PCDHGA6: variants seen among roughly 807,000 people sequenced by gnomAD.
PCDHGA6 encodes the protein protocadherin gamma-A6.
In PCDHGA6, 41 loss-of-function variants were observed where a neutral mutation model predicts 60.6. The ratio of observed to expected loss-of-function variants is 0.68; its 90% CI spans 0.53 to 0.88. The LOEUF (loss-of-function observed/expected upper bound fraction) is 0.88. Ranked by LOEUF, PCDHGA6 falls within the 40% of genes least tolerant of loss-of-function variation. The probability of loss-of-function intolerance (pLI) is 0.00; values close to 1 mark genes in which losing one functional copy is unlikely to be tolerated. For missense variants in PCDHGA6, 1,312 were observed against 1,203.0 expected (o/e 1.09, Z -1.34); for synonymous variants, 594 against 524.4 (o/e 1.13, Z -1.81).
At chr5:141,390,827 A>C (rs1026985432) in intron 1 of PCDHGA6, 1 of 164,666 alleles carries the variant, frequency 6.1e-6, no homozygotes, top group African/African-American at 2.4e-5. Flanking sequence ...TTTTATGTCC[A>C]TGGACCCCTT....
chr5:141,375,336 A>G lies in PCDHGA6; in HGVS notation c.1253A>G (p.Tyr418Cys). 6.2e-7 allele frequency: 1 copy of G among 1,613,828 alleles called. No homozygotes were observed. Among genetic ancestry groups the G allele is most frequent in the African/African-American group, 1.3e-5 (1 of 75,044 alleles). ...CTAGACCGGGAAGAGGTATTCTTGT[A>G]CAACATCACTGTGACAGCCACGGAC... is the stretch of plus-strand genomic sequence containing the variant. ...AALDREEVFL[Y>C]NITVTATDKG... The change falls in exon 1 of 4, where the codon TAC becomes TGC. Residue 418 changes from tyrosine (Y) to cysteine (C), a missense_variant. Tyr to Cys is a radical substitution (Grantham distance 194). Coordinates refer to ENST00000517434, the MANE Select transcript of PCDHGA6 (RefSeq NM_018919.3).
chr5:141,496,192 C>T (rs942276204), intron 2 of PCDHGA6, among the ~76,000 whole-genome samples: 1 of 152,098 alleles, frequency 6.6e-6, no homozygotes, highest in Non-Finnish European at 1.5e-5. Flanking sequence ...CCCAGCTGCT[C>T]ATTTCAATCT....
intron 1 of PCDHGA6, chr5:141,399,478 G>T (rs367753385): frequency 2.0e-5 from 32 of 1,613,894 alleles, no homozygotes; most frequent in Non-Finnish European, 2.6e-5. Context: ...TTTCCACCAG[G>T]CGTCCTACTT....
intron 1 of PCDHGA6, among the ~76,000 whole-genome samples, chr5:141,449,677 A>G (rs543079734): frequency 6.3e-4 from 96 of 151,362 alleles, no homozygotes; most frequent in Non-Finnish European, 1.1e-3. Flanking sequence ...GTGTATGTAT[A>G]TATGTTTGTG....
chr5:141,420,079 C>A, intron 1 of PCDHGA6: 1 of 1,613,998 alleles, frequency 6.2e-7, no homozygotes, highest in Non-Finnish European at 8.5e-7. Flanking sequence ...CTGTGGGTCC[C>A]CCCAACTACA....
chr5:141,441,835 G>A (rs1423189098), intron 1 of PCDHGA6: 9 of 353,636 alleles, frequency 2.5e-5, no homozygotes, highest in Admixed American at 2.1e-4. Flanking sequence ...CAATGGCTTC[G>A]CGCTCTTGGA....
chr5:141,414,986 A>G, intron 1 of PCDHGA6: 4 of 1,613,824 alleles, frequency 2.5e-6, no homozygotes, highest in Non-Finnish European at 3.4e-6. Context: ...GACTCCGGCC[A>G]GAACGCCTGG....
At chr5:141,428,100 G>C (rs1313410784) in intron 1 of PCDHGA6, 11 of 1,608,462 alleles carry the variant, frequency 6.8e-6, no homozygotes, top group Non-Finnish European at 9.3e-6. Context: ...GTCCTACCAC[G>C]TGCTGCAGGC....
intron 1 of PCDHGA6, chr5:141,392,800 G>T (rs1394780689): frequency 6.4e-7 from 1 of 1,570,722 alleles, no homozygotes; most frequent in African/African-American, 1.4e-5. Context: ...AGAGGATTCT[G>T]CAGCAAAACA....
intron 1 of PCDHGA6, among the ~76,000 whole-genome samples, chr5:141,461,536 T>C (rs1424913303): frequency 1.3e-5 from 2 of 152,240 alleles, no homozygotes; most frequent in Non-Finnish European, 2.9e-5. Context: ...TTCTGGATAC[T>C]AGTCCTTTGT....
In PCDHGA6 at chr5:141,419,962, GCT is replaced by G. The variant is rs1374844110; in HGVS notation, c.2424+43458_2424+43459del. ...TGGTGGCCTTGGCCTTGATTTCTGTGCTCTTTCTCCTCGCGGTGATTCTAGCT... is the reference window on the plus strand; with the variant it reads ...TGGTGGCCTTGGCCTTGATTTCTGTGCTTTCTCCTCGCGGTGATTCTAGCT... On this transcript the variant is annotated intron_variant, in intron 1 of 3. Coordinates refer to ENST00000517434, the MANE Select transcript of PCDHGA6 (RefSeq NM_018919.3). The G allele has an allele frequency of 3.1e-6, 5 of 1,613,974 alleles. No homozygotes were observed. In the African/African-American group the frequency reaches 4.0e-5, roughly 13 times the overall value.
At chr5:141,405,357 A>G in intron 1 of PCDHGA6, 1 of 1,613,846 alleles carries the variant, frequency 6.2e-7, no homozygotes, top group Non-Finnish European at 8.5e-7. Flanking sequence ...TTTCCTATAG[A>G]AGACACCCCT....
chr5:141,421,239 G>T (rs773410079), intron 1 of PCDHGA6: 5 of 1,599,000 alleles, frequency 3.1e-6, no homozygotes, highest in Middle Eastern at 3.3e-4. Flanking sequence ...TGGCGAATCG[G>T]CTACAGCGCG....
At chr5:141,384,383 C>T in intron 1 of PCDHGA6, 1 of 1,613,946 alleles carries the variant, frequency 6.2e-7, no homozygotes. Flanking sequence ...GCCGAAGACA[C>T]CATCCAGGGG....
At position 141,423,758 on chromosome 5, in the gene PCDHGA6, G is replaced by GC. The variant is rs1554116873; in HGVS notation, c.2424+47251_2424+47252insC. 1.7e-4 allele frequency: 62 copies of GC among 366,836 alleles called. 2 individuals are homozygous for GC. The highest frequency in any genetic ancestry group is 4.2e-4 in the Middle Eastern group (1 of 2,358). The allele number at this position is 366,836 out of a possible 1,614,324, so 22.7% of individuals were successfully genotyped here. Reference sequence around the variant, plus strand: ...CTGTTATGAAAACTGTTTGGGGGGGGGGTGGGGCGGCATATATTTAGTTCA... The same window carrying GC: ...CTGTTATGAAAACTGTTTGGGGGGGGCGGTGGGGCGGCATATATTTAGTTCA... On this transcript the variant is annotated intron_variant, in intron 1 of 3. Coordinates refer to ENST00000517434, the MANE Select transcript of PCDHGA6 (RefSeq NM_018919.3).
In PCDHGA6 at chr5:141,431,771, C is replaced by G. The variant is rs1175712662; in HGVS notation, c.2424+55264C>G. 1.2e-6 allele frequency: 2 copies of G among 1,614,214 alleles called. No homozygotes were observed. Among genetic ancestry groups the G allele is most frequent in the Non-Finnish European group, 8.5e-7 (1 of 1,180,034 alleles). The stretch of plus-strand genomic sequence containing the variant: ...GCGAGCCAAAGTCCTGATCACTGTT[C>G]TGGACGTGAACGACAATGCCCCAGA... On this transcript the variant is annotated intron_variant, in intron 1 of 3. Coordinates refer to ENST00000517434, the MANE Select transcript of PCDHGA6 (RefSeq NM_018919.3). The surrounding 1 kb of genome is among the most constrained non-coding windows in gnomAD (Gnocchi z 4.8).
chr5:141,419,662 T>C (rs767190243), intron 1 of PCDHGA6: 140 of 1,612,700 alleles, frequency 8.7e-5, no homozygotes, highest in South Asian at 2.2e-5. Flanking sequence ...CGGGGCACAA[T>C]GCCTGGCTGT....
chr5:141,498,971 G>GGGAAGGAAGGAAGGAAGGAAGGAA (rs201769957), intron 2 of PCDHGA6, among the ~76,000 whole-genome samples: 2 of 110,972 alleles, frequency 1.8e-5, no homozygotes, highest in African/African-American at 3.6e-5. Context: ...GAGGGAGGGA[G>GGGAAGGAAGGAAGGAAGGAAGGAA]GGAAGGAAGG....
intron 1 of PCDHGA6, chr5:141,383,842 T>C: frequency 6.2e-7 from 1 of 1,613,970 alleles, no homozygotes. Context: ...AACTGCCTTC[T>C]ATGAAATGGA....
Sources: gnomAD v4.1 joint callset for allele counts (sites outside exome capture counted in the v4.1 genomes callset) on GRCh38, gnomAD v4.1.1 for gene constraint, Gnocchi (gnomAD v3.1) non-coding constraint, MANE v1.5 for transcripts, NCBI Gene and HGNC (gene_info 2026-07-23, HGNC 2026-07-21) for gene names.